The following PLAC1 variants were observed in gnomAD, a reference collection of about 807,000 sequenced individuals.
PLAC1 encodes the protein placenta-specific protein 1.
For synonymous variants in PLAC1, 68 were observed against 62.1 expected (o/e 1.09, Z -0.44); for missense variants, 136 against 163.2 (o/e 0.83, Z 0.91).
chrX:134,736,074 G>A (rs886201958), intron 1 of PLAC1, among the ~76,000 whole-genome samples: 1 of 110,035 alleles, frequency 9.1e-6, no homozygotes, highest in African/African-American at 3.3e-5. Context: ...TTGAGAGATC[G>A]AGACCATCCT....
At chrX:134,593,323 T>C (rs2078048137) in intron 2 of PLAC1, among the ~76,000 whole-genome samples, 1 of 112,400 alleles carries the variant, frequency 8.9e-6, no homozygotes, top group African/African-American at 3.2e-5. Flanking sequence ...TGTAGATATA[T>C]GATAGGGTCA....
intron 1 of PLAC1, among the ~76,000 whole-genome samples, chrX:134,757,832 CAG>C (rs772850332): frequency 9.0e-6 from 1 of 110,983 alleles, no homozygotes; most frequent in Non-Finnish European, 1.9e-5. Flanking sequence ...TGTATACACA[CAG>C]AGAGAGAACA....
intron 2 of PLAC1, among the ~76,000 whole-genome samples, chrX:134,593,861 T>A (rs1338605612): frequency 2.7e-5 from 3 of 112,060 alleles, no homozygotes. Flanking sequence ...AAGAAAATGT[T>A]CTTTCTTCCT....
At chrX:134,742,553 A>C (rs1380117345) in intron 1 of PLAC1, among the ~76,000 whole-genome samples, 1 of 110,302 alleles carries the variant, frequency 9.1e-6, no homozygotes, top group African/African-American at 3.3e-5. Flanking sequence ...ACGCCACTGC[A>C]CTCCAGCCTG....
Position 134,725,421 on chromosome X carries a change from G to A in PLAC1, n.174+8014C>T, listed in dbSNP as rs146536060. Among the ~76,000 whole-genome samples, 248 of 111,223 alleles carry A rather than the reference G, an allele frequency of 2.2e-3. 2 individuals are homozygous for A. Among genetic ancestry groups the A allele is most frequent in the African/African-American group, 7.9e-3 (242 of 30,530 alleles). On this transcript the variant is annotated intron_variant and non_coding_transcript_variant, in intron 2 of 2. Transcript: ENST00000466797. ...GGAAGTAGTTCTCCAGCTTGAGCACGCATTGCAGTCACCTGGAGAGCTTGT... is the reference window on the plus strand; with the variant it reads ...GGAAGTAGTTCTCCAGCTTGAGCACACATTGCAGTCACCTGGAGAGCTTGT...
chrX:134,569,322 C>T (rs2077893325), intron 2 of PLAC1, among the ~76,000 whole-genome samples: 1 of 111,923 alleles, frequency 8.9e-6, no homozygotes, highest in Admixed American at 9.5e-5. Context: ...TATTATGTTG[C>T]ACTGAGTCAG....
intron 2 of PLAC1, among the ~76,000 whole-genome samples, chrX:134,596,867 G>A (rs2078064498): frequency 9.1e-6 from 1 of 110,479 alleles, no homozygotes; most frequent in Non-Finnish European, 1.9e-5. Context: ...AAACTGCTGG[G>A]ATTATAGGCA....
intron 2 of PLAC1, among the ~76,000 whole-genome samples, chrX:134,709,584 A>T (rs1486967300): frequency 9.0e-6 from 1 of 111,476 alleles, no homozygotes; most frequent in Non-Finnish European, 1.9e-5. Flanking sequence ...CCTGGGAGAC[A>T]GAGCGAGACT....
At chrX:134,647,378 T>C (rs926368169) in intron 1 of PLAC1, among the ~76,000 whole-genome samples, 1 of 109,114 alleles carries the variant, frequency 9.2e-6, no homozygotes, top group Non-Finnish European at 1.9e-5. Context: ...TGAGGGAATG[T>C]TGTGGTCTTC....
chrX:134,740,468 A>T (rs1194496440), intron 1 of PLAC1, among the ~76,000 whole-genome samples: 1 of 111,910 alleles, frequency 8.9e-6, no homozygotes, highest in Non-Finnish European at 1.9e-5. Flanking sequence ...GATTCTATTT[A>T]TAGAAAACTG....
At chrX:134,762,821 CA>C (rs60721487) in intron 1 of PLAC1, among the ~76,000 whole-genome samples, 399 of 14,784 alleles carry the variant, frequency 0.027, no homozygotes, top group African/African-American at 0.033. Flanking sequence ...GGCTCTATCT[CA>C]AAAAAAAAAA....
intron 2 of PLAC1, among the ~76,000 whole-genome samples, chrX:134,578,412 CAA>C (rs1344663898): frequency 4.0e-5 from 1 of 25,057 alleles, no homozygotes. Context: ...GACTCTGTCT[CAA>C]AAAAAAAAAA....
intron 2 of PLAC1, among the ~76,000 whole-genome samples, chrX:134,585,217 G>T (rs1269419030): frequency 1.0e-5 from 1 of 98,517 alleles, no homozygotes; most frequent in Non-Finnish European, 2.0e-5. Context: ...ATGGTGGCAC[G>T]CGCCTGTAGC....
At chrX:134,700,446 C>A (rs780477689) in intron 2 of PLAC1, among the ~76,000 whole-genome samples, 294 of 111,328 alleles carry the variant, frequency 2.6e-3, no homozygotes, top group African/African-American at 7.8e-3. Flanking sequence ...TTGGCCAGAG[C>A]AATCAGGCAA....
intron 2 of PLAC1, among the ~76,000 whole-genome samples, chrX:134,703,769 A>G (rs1316810226): frequency 1.8e-5 from 2 of 109,991 alleles, no homozygotes; most frequent in African/African-American, 6.6e-5. Flanking sequence ...ACAATGACCA[A>G]TTCCGGGGGG....
intron 2 of PLAC1, among the ~76,000 whole-genome samples, chrX:134,588,294 A>T (rs774122929): frequency 2.5e-4 from 11 of 44,245 alleles, no homozygotes; most frequent in African/African-American, 1.5e-3. Context: ...TCTTTATTTT[A>T]TTTATTTATT....
intron 1 of PLAC1, among the ~76,000 whole-genome samples, chrX:134,627,123 AAG>A (rs2078240180): frequency 9.0e-6 from 1 of 111,544 alleles, no homozygotes; most frequent in Non-Finnish European, 1.9e-5. Flanking sequence ...TTAAGTAATG[AAG>A]AGAGATGAGT....
intron 1 of PLAC1, among the ~76,000 whole-genome samples, chrX:134,754,862 A>G (rs1288796873): frequency 9.4e-6 from 1 of 106,127 alleles, no homozygotes; most frequent in Non-Finnish European, 1.9e-5. Flanking sequence ...AAGCTAAAAT[A>G]CTGTAGGTTT....
At chrX:134,601,097 C>G (rs1322662852) in intron 2 of PLAC1, 2 of 106,698 alleles carry the variant, frequency 1.9e-5, no homozygotes, top group Non-Finnish European at 3.9e-5. Context: ...CACACAAACA[C>G]ACTTGGGATT....
Sources: allele counts gnomAD v4.1 joint callset (sites outside exome capture counted in the v4.1 genomes callset), GRCh38; gene constraint gnomAD v4.1.1; transcripts MANE v1.5; gene names NCBI Gene and HGNC (gene_info 2026-07-23, HGNC 2026-07-21).